Variants in CDH23 observed in about 807,000 individuals in gnomAD.
CDH23 encodes the protein cadherin related 23, also known as cadherin-23.
A neutral mutation model predicts 317.1 loss-of-function variants in CDH23; 189 were observed. That is an observed-to-expected ratio of 0.60 (90% confidence interval 0.53 to 0.67). CDH23 has a LOEUF of 0.67. Ranked by LOEUF, CDH23 falls within the 30% of genes least tolerant of loss-of-function variation. CDH23 has a pLI of 0.00. For missense variants in CDH23, 4,401 were observed against 4,592.4 expected (o/e 0.96, Z 1.20); for synonymous variants, 1,839 against 1,876.8 (o/e 0.98, Z 0.52).
At chr10:71,755,597 C>T (rs1840121043) in intron 38 of CDH23, 5 of 798,294 alleles carry the variant, frequency 6.3e-6, no homozygotes, top group Non-Finnish European at 8.1e-6. Context: ...CAGCTAGACC[C>T]CCAGCAACCT....
intron 14 of CDH23, among the ~76,000 whole-genome samples, chr10:71,648,268 G>A (rs920704134): frequency 6.6e-6 from 1 of 152,202 alleles, no homozygotes; most frequent in Non-Finnish European, 1.5e-5. Context: ...TCAGTGCCCA[G>A]CCAGAGAGCA....
At chr10:71,569,626 A>C (rs1275037374) in intron 7 of CDH23, among the ~76,000 whole-genome samples, 1 of 152,194 alleles carries the variant, frequency 6.6e-6, no homozygotes, top group Admixed American at 6.5e-5. Flanking sequence ...ATGTGAAAGG[A>C]TCTGAGTTTG....
chr10:71,492,434 A>G (rs1235397104), intron 3 of CDH23, among the ~76,000 whole-genome samples: 1 of 152,204 alleles, frequency 6.6e-6, no homozygotes, highest in Non-Finnish European at 1.5e-5. Context: ...CATCCCAATT[A>G]GGCAGACCCC....
At chr10:71,670,775 C>T (rs968207053) in intron 14 of CDH23, among the ~76,000 whole-genome samples, 8 of 152,230 alleles carry the variant, frequency 5.3e-5, no homozygotes, top group African/African-American at 1.9e-4. Context: ...TAGCTACCGG[C>T]TTTGACTTTT....
intron 15 of CDH23, among the ~76,000 whole-genome samples, chr10:71,677,122 A>G (rs1332424946): frequency 6.6e-6 from 1 of 152,052 alleles, no homozygotes; most frequent in Admixed American, 6.6e-5. Flanking sequence ...GGGTTGGCAC[A>G]CGTTTTTACC....
chr10:71,435,302 C>G (rs1425842305), intron 1 of CDH23, among the ~76,000 whole-genome samples: 1 of 152,186 alleles, frequency 6.6e-6, no homozygotes. Flanking sequence ...AGCTTGAACC[C>G]TGAAAACTGG....
chr10:71,481,560 T>A (rs967507201), intron 3 of CDH23, among the ~76,000 whole-genome samples: 12 of 152,130 alleles, frequency 7.9e-5, no homozygotes, highest in Non-Finnish European at 1.2e-4. Flanking sequence ...ACCTTCCACA[T>A]CCCTCCCCTT....
In CDH23 at chr10:71,535,838, G is replaced by A. The variant is rs12253153; in HGVS notation, c.429+24626G>A. On this transcript the variant is annotated intron_variant, in intron 6 of 69. Transcript: ENST00000224721. ...TGGCATTACATTTTCACTGTGCTCC[G>A]GCCCAGATGTGCTGCATAGGCAGCT... is the stretch of plus-strand genomic sequence containing the variant. Among the ~76,000 whole-genome samples the A allele has an allele frequency of 2.2e-3, 332 of 152,340 alleles. 3 individuals carry two copies. Among genetic ancestry groups the A allele is most frequent in the African/African-American group, 6.5e-3 (272 of 41,582 alleles).
chr10:71,425,219 CAGAGAGAGAGAGGGAGAGAGAGAGAGAG>C (rs1450174843), intron 1 of CDH23, among the ~76,000 whole-genome samples: 1 of 55,160 alleles, frequency 1.8e-5, no homozygotes, highest in Non-Finnish European at 3.9e-5. Context: ...CACAGTGGGG[CAGAGAGAGAGAGGGAGAGAGAGAGAGAG>C]AGAGAGAGAG....
chr10:71,602,250 T>C (rs958309984), intron 9 of CDH23, among the ~76,000 whole-genome samples: 8 of 152,134 alleles, frequency 5.3e-5, no homozygotes, highest in Non-Finnish European at 1.2e-4. Flanking sequence ...GCCGTGGCAC[T>C]GTCAGGATTA....
chr10:71,632,709 A>C (rs12260631), intron 11 of CDH23, among the ~76,000 whole-genome samples: 78,104 of 151,894 alleles, frequency 0.51, 21,036 homozygotes, highest in Non-Finnish European at 0.62. Context: ...TCTTTACCTC[A>C]GTATAGCTCC....
At chr10:71,802,617 G>A (rs1031133416) in intron 53 of CDH23, among the ~76,000 whole-genome samples, 2 of 152,210 alleles carry the variant, frequency 1.3e-5, no homozygotes, top group Non-Finnish European at 2.9e-5. Context: ...TTCTGCTTCA[G>A]GGCCCAGGTG....
chr10:71,646,372 G>A, intron 13 of CDH23, 87 bp from the exon 14 acceptor site: 1 of 1,562,756 alleles, frequency 6.4e-7, no homozygotes, highest in Non-Finnish European at 8.7e-7. Flanking sequence ...GCTGGGGCCG[G>A]CAAAGGCATG....
chr10:71,511,089 C>T (rs367772672), intron 5 of CDH23, 31 bp from the exon 6 acceptor site: 82 of 1,610,756 alleles, frequency 5.1e-5, no homozygotes, highest in Admixed American at 8.3e-5. Context: ...AGTCAGGTGG[C>T]GGCGCTAATT....
chr10:71,452,706 TTATTAA>T (rs1431482565), intron 3 of CDH23, among the ~76,000 whole-genome samples: 3 of 152,216 alleles, frequency 2.0e-5, no homozygotes, highest in Non-Finnish European at 4.4e-5. Context: ...CTTATTAATC[TTATTAA>T]TATTGACATT....
chr10:71,532,341 G>A (rs544629673), intron 6 of CDH23, among the ~76,000 whole-genome samples: 5 of 152,362 alleles, frequency 3.3e-5, no homozygotes, highest in Non-Finnish European at 7.3e-5. Context: ...CTAAGGGAGA[G>A]AGCGCCTGCA....
intron 19 of CDH23, among the ~76,000 whole-genome samples, chr10:71,689,257 C>T (rs1396334253): frequency 2.0e-5 from 3 of 151,922 alleles, no homozygotes; most frequent in East Asian, 1.9e-4. Flanking sequence ...CTGGTCTTTC[C>T]TGGCACCACG....
At chr10:71,479,235 T>C (rs1040204718) in intron 3 of CDH23, among the ~76,000 whole-genome samples, 1 of 152,240 alleles carries the variant, frequency 6.6e-6, no homozygotes, top group African/African-American at 2.4e-5. Flanking sequence ...TCTTCCAGAC[T>C]GATCTCTAGG....
At chr10:71,439,643 A>G (rs1849779457) in intron 1 of CDH23, among the ~76,000 whole-genome samples, 184 bp from the exon 2 acceptor site, 2 of 152,186 alleles carry the variant, frequency 1.3e-5, no homozygotes, top group African/African-American at 4.8e-5. Context: ...ACAATGTTAA[A>G]ACCAAATGAT....
Sources: allele counts gnomAD v4.1 joint callset (sites outside exome capture counted in the v4.1 genomes callset), GRCh38; gene constraint gnomAD v4.1.1; transcripts MANE v1.5; gene names NCBI Gene and HGNC (gene_info 2026-07-23, HGNC 2026-07-21).